MCPH1: variants seen among roughly 807,000 people sequenced by gnomAD.
MCPH1 encodes microcephalin.
MCPH1 carries 104 observed loss-of-function variants against 84.5 expected under a neutral mutation model. That is an observed-to-expected ratio of 1.23 (90% CI 1.05 to 1.45). The LOEUF (loss-of-function observed/expected upper bound fraction) is 1.45, where lower values mean the gene tolerates loss of function less well. Among genes scored for constraint, MCPH1 ranks in the 40% most tolerant of loss-of-function variants. The pLI is 0.00. For missense variants in MCPH1, 1,498 were observed against 1,005.7 expected (o/e 1.49, Z -6.62); for synonymous variants, 514 against 366.8 (o/e 1.40, Z -4.58).
At chr8:6,613,703 A>G (rs891604927) in intron 12 of MCPH1, among the ~76,000 whole-genome samples, 3 of 152,100 alleles carry the variant, frequency 2.0e-5, no homozygotes, top group Non-Finnish European at 2.9e-5. Flanking sequence ...TGATGGAGAT[A>G]GAGACAGAGT....
intron 7 of MCPH1, among the ~76,000 whole-genome samples, chr8:6,443,284 C>G (rs567991237): frequency 6.6e-6 from 1 of 152,126 alleles, no homozygotes; most frequent in Non-Finnish European, 1.5e-5. Context: ...CATTGCTTAT[C>G]GGGTTTTTGA....
chr8:6,571,454 TA>T (rs919266453), intron 12 of MCPH1, among the ~76,000 whole-genome samples: 1 of 152,164 alleles, frequency 6.6e-6, no homozygotes, highest in Non-Finnish European at 1.5e-5. Context: ...CCGTTGCTTC[TA>T]AAAAAATATG....
At chr8:6,627,597 A>G (rs1284648946) in intron 13 of MCPH1, among the ~76,000 whole-genome samples, 2 of 152,214 alleles carry the variant, frequency 1.3e-5, no homozygotes, top group African/African-American at 2.4e-5. Flanking sequence ...TAGGCTTTTA[A>G]ATATATATCT....
intron 12 of MCPH1, among the ~76,000 whole-genome samples, chr8:6,584,683 CA>C (rs1827832111): frequency 6.6e-6 from 1 of 152,202 alleles, no homozygotes; most frequent in African/African-American, 2.4e-5. Context: ...TGACAATATA[CA>C]AAGCAGTTTG....
At chr8:6,586,560 G>C (rs1012600822) in intron 12 of MCPH1, among the ~76,000 whole-genome samples, 1 of 152,154 alleles carries the variant, frequency 6.6e-6, no homozygotes, top group Non-Finnish European at 1.5e-5. Context: ...TACCCACTCT[G>C]TGCCGGTCAT....
intron 13 of MCPH1, among the ~76,000 whole-genome samples, chr8:6,629,807 C>T (rs536582134): frequency 2.6e-5 from 4 of 152,324 alleles, no homozygotes; most frequent in Non-Finnish European, 5.9e-5. Flanking sequence ...AGGCCAGAGT[C>T]ATGCAGTGAA....
At chr8:6,413,713 T>G (rs1798851461) in intron 2 of MCPH1, among the ~76,000 whole-genome samples, 3 of 152,096 alleles carry the variant, frequency 2.0e-5, no homozygotes, top group African/African-American at 7.2e-5. Context: ...AGGATCCTAT[T>G]AAAAAATAAT....
intron 8 of MCPH1, among the ~76,000 whole-genome samples, chr8:6,447,633 C>T (rs1804591511): frequency 6.6e-6 from 1 of 152,186 alleles, no homozygotes; most frequent in Non-Finnish European, 1.5e-5. Context: ...TCACTGCAAC[C>T]TCCGCCTCCC....
At chr8:6,552,527 C>G (rs1156864040) in intron 12 of MCPH1, among the ~76,000 whole-genome samples, 1 of 152,210 alleles carries the variant, frequency 6.6e-6, no homozygotes, top group Admixed American at 6.5e-5. Context: ...ATTAGGGTGA[C>G]TGGAATTATA....
At chr8:6,622,817 T>A (rs1831603430) in intron 13 of MCPH1, among the ~76,000 whole-genome samples, 1 of 152,098 alleles carries the variant, frequency 6.6e-6, no homozygotes, top group African/African-American at 2.4e-5. Flanking sequence ...GGATTAGGGC[T>A]CACCCAATGG....
intron 9 of MCPH1, among the ~76,000 whole-genome samples, chr8:6,463,274 T>C (rs984458736): frequency 2.6e-5 from 4 of 152,186 alleles, no homozygotes; most frequent in African/African-American, 9.6e-5. Context: ...GGGGATCTGC[T>C]TCCTCAGTTT....
At chr8:6,562,466 C>A (rs557308891) in intron 12 of MCPH1, among the ~76,000 whole-genome samples, 1 of 149,084 alleles carries the variant, frequency 6.7e-6, no homozygotes, top group African/African-American at 2.4e-5. Flanking sequence ...ACTACCCACA[C>A]ACCCTGGGAT....
rs371161847 is a variant in MCPH1 at position 6,409,357 on chromosome 8, A to T, written c.101A>T (p.Asp34Val). ...AAGACATTTACAACACAGCTTGTGG[A>T]TATGGGGGCAAAGGTAAGACACTTA... The part of the protein sequence containing the change: ...YSKTFTTQLV[D>V]MGAKVSKTFN... Residue 34 changes from aspartate to valine, a missense_variant, in exon 2 of 14, where the codon GAT (aspartate) becomes GTT (valine). Physicochemically the swap from Asp to Val is radical, Grantham distance 152. Transcript: ENST00000344683. 6.2e-6 allele frequency: 10 copies of T among 1,613,178 alleles called. No individual in the cohort carries two copies. In the South Asian group the frequency reaches 9.9e-5, roughly 16 times the overall value.
In MCPH1 at chr8:6,435,973, T is replaced by A; in HGVS notation, c.322-75T>A. On this transcript the variant is annotated intron_variant, in intron 4 of 13. Transcript: ENST00000344683. ...CTGATGTTATAAAAGGTATCAGAAA[T>A]GTATGCGAAAGGGCTTTTTCTCCTG... 5 of 1,565,734 alleles carry A rather than the reference T, an allele frequency of 3.2e-6. No individual in the cohort carries two copies. In the South Asian group the frequency reaches 5.9e-5, roughly 18 times the overall value.
chr8:6,605,433 A>T lies in MCPH1; in HGVS notation c.2215-16021A>T, dbSNP rs147551256. ...CCCAAAAGCAGAAAAGTGTTATGCG[A>T]TGGGAGTTTGCATTTTGGACCAAAG... On this transcript the variant is annotated intron_variant, in intron 12 of 13. Coordinates refer to ENST00000344683, the MANE Select transcript of MCPH1 (RefSeq NM_024596.5). 3.6e-3 allele frequency among the ~76,000 whole-genome samples: 544 copies of T among 152,300 alleles called. 7 individuals carry two copies. The highest frequency in any genetic ancestry group is 0.013 in the African/African-American group (530 of 41,564).
At chr8:6,592,439 G>A (rs1165480676) in intron 12 of MCPH1, among the ~76,000 whole-genome samples, 1 of 151,648 alleles carries the variant, frequency 6.6e-6, no homozygotes, top group African/African-American at 2.4e-5. Flanking sequence ...TCCATTTTTT[G>A]TGTTTTTCAT....
rs376699202 is a variant in MCPH1, at chr8:6,409,231, G to T, written c.23-48G>T. 18 of 1,449,886 alleles carry T rather than the reference G, an allele frequency of 1.2e-5. No individual in the cohort carries two copies. In the African/African-American group the frequency reaches 1.8e-4, roughly 15 times the overall value. 89.8% of individuals were successfully genotyped at this position (1,449,886 alleles called of 1,614,324 possible). A position where few individuals can be genotyped will look rare whatever the true frequency, so the allele number is the denominator to read the frequency against. On this transcript the variant is annotated intron_variant, in intron 1 of 13. Coordinates refer to ENST00000344683, the MANE Select transcript of MCPH1 (RefSeq NM_024596.5). The stretch of plus-strand genomic sequence containing the variant: ...ATAGAACAAAATCTATTGGGCAGGG[G>T]ATGCTGGAATTTCAAATGTATGTTT...
intron 4 of MCPH1, 87 bp downstream of exon 4, chr8:6,431,673 A>G: frequency 1.1e-6 from 1 of 909,586 alleles, no homozygotes; most frequent in Non-Finnish European, 1.7e-6. Context: ...ACTTCTAGAA[A>G]TATATTCAAG....
chr8:6,499,259 C>A (rs1156544275), intron 11 of MCPH1, among the ~76,000 whole-genome samples: 1 of 151,812 alleles, frequency 6.6e-6, no homozygotes, highest in African/African-American at 2.4e-5. Context: ...GATCATTTTA[C>A]CGTGTGGGGA....
Sources: gnomAD v4.1 joint callset for allele counts (sites outside exome capture counted in the v4.1 genomes callset) on GRCh38, gnomAD v4.1.1 for gene constraint, MANE v1.5 for transcripts, NCBI Gene and HGNC (gene_info 2026-07-23, HGNC 2026-07-21) for gene names.